AKT2: variants seen among roughly 807,000 people sequenced by gnomAD.
AKT2 encodes RAC-beta serine/threonine-protein kinase.
In AKT2, 16 loss-of-function variants were observed where a neutral mutation model predicts 58.6. The ratio of observed to expected loss-of-function variants is 0.27; its 90% CI spans 0.18 to 0.41. AKT2 has a LOEUF of 0.41. Ranked by LOEUF, AKT2 falls within the 10% of genes least tolerant of loss-of-function variation. The pLI is 1.00. For missense variants in AKT2, 438 were observed against 661.0 expected (o/e 0.66, Z 3.70); for synonymous variants, 253 against 254.0 (o/e 1.00, Z 0.04).
intron 4 of AKT2, among the ~76,000 whole-genome samples, chr19:40,253,335 G>A (rs377719287): frequency 6.6e-6 from 1 of 152,268 alleles, no homozygotes; most frequent in South Asian, 2.1e-4. Flanking sequence ...GTTTCTCAAA[G>A]TGAGGCCCAA....
At position 40,236,038 on chromosome 19, in the gene AKT2, T is replaced by C; in HGVS notation, c.1027A>G (p.Met343Val). 1 of 1,614,028 alleles carries C rather than the reference T, an allele frequency of 6.2e-7. No individual in the cohort carries two copies. The highest frequency in any genetic ancestry group is 8.5e-7 in the Non-Finnish European group (1 of 1,180,000). ...WWGLGVVMYE[M>V]MCGRLPFYNQ... ...TAGAAGGGCAGGCGGCCGCACATCA[T>C]CTCGTACATGACCACACCCAGCCCC... The change falls in exon 11 of 14, where the codon ATG becomes GTG. Residue 343 changes from methionine (M) to valine (V), a missense_variant. By Grantham distance (21) the Met-to-Val change is conservative. Around this residue, in one of 3 missense-constraint regions of AKT2, gnomAD observed 148 missense variants for 199.5 expected, o/e 0.74. Transcript: ENST00000392038.
intron 4 of AKT2, among the ~76,000 whole-genome samples, chr19:40,249,552 A>T (rs1005915731): frequency 6.6e-6 from 1 of 152,152 alleles, no homozygotes; most frequent in Non-Finnish European, 1.5e-5. Context: ...CTTCATGCAC[A>T]AGCCCGTCCT....
At chr19:40,262,385 A>C (rs1337033863) in intron 2 of AKT2, among the ~76,000 whole-genome samples, 1 of 152,162 alleles carries the variant, frequency 6.6e-6, no homozygotes, top group Non-Finnish European at 1.5e-5. Flanking sequence ...GGAGAGCCAG[A>C]ATTGGAAAGC....
chr19:40,239,044 C>T, intron 7 of AKT2, 71 bp from the exon 8 acceptor site: 3 of 1,519,618 alleles, frequency 2.0e-6, no homozygotes, highest in Non-Finnish European at 2.7e-6. Context: ...CAGGGCAGGG[C>T]CCTGGCCCTG....
chr19:40,233,791 A>C lies in AKT2; in HGVS notation c.*81T>G, dbSNP rs919183871. 4 of 1,441,732 alleles carry C rather than the reference A, an allele frequency of 2.8e-6. No individual in the cohort carries two copies. The African/African-American group carries it at 5.6e-5, about 20-fold the overall frequency. 89.3% of individuals were successfully genotyped at this position (1,441,732 alleles called of 1,614,324 possible). ...GGTGGGGGTGGGGACACAAACCAAA[A>C]AGGCTAAGTAAAAAGTTAGGGGGAA... is the stretch of plus-strand genomic sequence containing the variant. On this transcript the variant is annotated 3_prime_UTR_variant, in exon 14 of 14. Coordinates refer to ENST00000392038, the MANE Select transcript of AKT2 (RefSeq NM_001626.6). This position sits in a 1 kb window ranked among gnomAD's most constrained non-coding sequence, Gnocchi z 4.3.
At chr19:40,275,120 G>C (rs757559309) in intron 1 of AKT2, 8 of 456,708 alleles carry the variant, frequency 1.8e-5, no homozygotes, top group Non-Finnish European at 3.1e-5. Context: ...AGAGACAGCA[G>C]GGACACAGCC....
At chr19:40,265,187 G>A in intron 2 of AKT2, 35 bp downstream of exon 2, 1 of 1,607,474 alleles carries the variant, frequency 6.2e-7, no homozygotes, top group Non-Finnish European at 8.5e-7. Flanking sequence ...GCCAGCGTGG[G>A]AGAAAGAATC....
At chr19:40,257,975 G>A (rs764751243) in intron 2 of AKT2, among the ~76,000 whole-genome samples, 2 of 152,104 alleles carry the variant, frequency 1.3e-5, no homozygotes, top group South Asian at 2.1e-4. Flanking sequence ...GGCCCGGCAC[G>A]GTGGCGCACA....
At chr19:40,265,587 G>T in intron 1 of AKT2, 1 of 499,826 alleles carries the variant, frequency 2.0e-6, no homozygotes, top group Non-Finnish European at 3.6e-6. Context: ...GCGCAGGCCA[G>T]ACCCCAAACT....
At position 40,230,931 on chromosome 19, in the gene AKT2, C is replaced by T. The variant is rs41275746; in HGVS notation, c.*2941G>A. On this transcript the variant is annotated 3_prime_UTR_variant, in exon 14 of 14. Transcript: ENST00000392038. ...GAGATGAAGGTCTCCCTATGATGCC[C>T]AGGCTGGTCTCGAACCCCTGGCCTC... 0.11 allele frequency: 20,156 copies of T among 188,836 alleles called. 1,572 individuals are homozygous for T. Among genetic ancestry groups the T allele is most frequent in the African/African-American group, 0.23 (9,795 of 42,746 alleles). The allele number at this position is 188,836 out of a possible 1,614,324, so 11.7% of individuals were successfully genotyped here. A position where few individuals can be genotyped will look rare whatever the true frequency, so the allele number is the denominator to read the frequency against.
chr19:40,265,462 G>C, intron 1 of AKT2, 111 bp from the exon 2 acceptor site: 1 of 1,421,354 alleles, frequency 7.0e-7, no homozygotes. Context: ...CTCAGCAAAG[G>C]GTAAGGCCAG....
chr19:40,260,826 T>C (rs954540773), intron 2 of AKT2, among the ~76,000 whole-genome samples: 1 of 152,054 alleles, frequency 6.6e-6, no homozygotes, highest in Non-Finnish European at 1.5e-5. Flanking sequence ...CACCTGCCTG[T>C]AGTCCCAGCT....
intron 3 of AKT2, among the ~76,000 whole-genome samples, chr19:40,256,573 C>T (rs185162777): frequency 2.4e-4 from 36 of 152,250 alleles, no homozygotes; most frequent in African/African-American, 8.4e-4. Context: ...CCTCTACGTC[C>T]GAGGGACAGA....
chr19:40,264,077 T>C (rs1976165541), intron 2 of AKT2, among the ~76,000 whole-genome samples: 1 of 152,108 alleles, frequency 6.6e-6, no homozygotes, highest in African/African-American at 2.4e-5. Context: ...GAGGATGGGA[T>C]GTTTGCCTGT....
rs1234590822 is a variant in AKT2 at position 40,242,423 on chromosome 19, G to A, written c.441+111C>T. On this transcript the variant is annotated intron_variant, in intron 5 of 13. Coordinates refer to ENST00000392038, the MANE Select transcript of AKT2 (RefSeq NM_001626.6). The surrounding 1 kb of genome is among the most constrained non-coding windows in gnomAD (Gnocchi z 4.3). ...TCACCCCACCCTGCAGGGCAGCCTT[G>A]TCTCTCAGCTGAGCCCCCTGAACTG... 4.6e-6 allele frequency: 7 copies of A among 1,516,634 alleles called. No homozygotes were observed. Among genetic ancestry groups the A allele is most frequent in the Middle Eastern group, 1.8e-4 (1 of 5,470 alleles). The allele number at this position is 1,516,634 out of a possible 1,614,324, so 93.9% of individuals were successfully genotyped here. A position where few individuals can be genotyped will look rare whatever the true frequency, so the allele number is the denominator to read the frequency against.
rs1337469028 is a variant in AKT2 at position 40,231,425 on chromosome 19, G to A, written c.*2447C>T. 2 of 233,150 alleles carry A rather than the reference G, an allele frequency of 8.6e-6. No homozygotes were observed. The highest frequency in any genetic ancestry group is 8.5e-6 in the Non-Finnish European group (1 of 118,046). The allele number at this position is 233,150 out of a possible 1,614,324, so 14.4% of individuals were successfully genotyped here. On this transcript the variant is annotated 3_prime_UTR_variant, in exon 14 of 14. Transcript: ENST00000392038. The stretch of plus-strand genomic sequence containing the variant: ...TTTGTAATTAAATTAAGGTCCACAT[G>A]ACTTTAGAAAGACAAACTAAAAAAC...
chr19:40,254,743 C>G (rs189445202), intron 4 of AKT2, among the ~76,000 whole-genome samples: 221 of 152,108 alleles, frequency 1.5e-3, no homozygotes, highest in African/African-American at 5.0e-3. Context: ...GCAGGAAAAT[C>G]GCTTGAACCC....
At chr19:40,240,296 A>G (rs1974310403) in intron 6 of AKT2, 186 bp from the exon 7 acceptor site, 1 of 781,002 alleles carries the variant, frequency 1.3e-6, no homozygotes, top group Admixed American at 1.8e-5. Flanking sequence ...GAGGATCATC[A>G]GTGGCTCTCA....
In AKT2 at chr19:40,233,646, G is replaced by C. The variant is rs765392207; in HGVS notation, c.*226C>G. The C allele has an allele frequency of 6.6e-6, 5 of 758,124 alleles. No individual in the cohort carries two copies. Among genetic ancestry groups the C allele is most frequent in the Non-Finnish European group, 9.7e-6 (4 of 413,838 alleles). 47.0% of individuals were successfully genotyped at this position (758,124 alleles called of 1,614,324 possible). ...ACAGCCCAGGCCTGGGCGGGAGGTG[G>C]AGTCTTCCAAATGCGAGTCTGGGCA... On this transcript the variant is annotated 3_prime_UTR_variant, in exon 14 of 14. Coordinates refer to ENST00000392038, the MANE Select transcript of AKT2 (RefSeq NM_001626.6). This position sits in a 1 kb window ranked among gnomAD's most constrained non-coding sequence, Gnocchi z 4.3.
Sources: allele counts gnomAD v4.1 joint callset (sites outside exome capture counted in the v4.1 genomes callset), GRCh38; gene constraint gnomAD v4.1.1; regional missense constraint gnomAD v4.1.1; non-coding constraint Gnocchi (gnomAD v3.1); transcripts MANE v1.5; gene names NCBI Gene and HGNC (gene_info 2026-07-23, HGNC 2026-07-21).